RGPD2: variants seen among roughly 807,000 people sequenced by gnomAD.
RGPD2 encodes RANBP2-like and GRIP domain-containing protein 2.
A neutral mutation model predicts 36.0 loss-of-function variants in RGPD2; 2 were observed. That is an observed-to-expected ratio of 0.06 (90% CI 0.02 to 0.17). The LOEUF is 0.17. Among genes scored for constraint, RGPD2 ranks in the 10% least tolerant of loss-of-function variants. The pLI is 1.00. For missense variants in RGPD2, 40 were observed against 464.3 expected (o/e 0.09, Z 8.40); for synonymous variants, 19 against 163.8 (o/e 0.12, Z 6.75).
chr2:87,866,690 G>A, the RGPD2 span, among the ~76,000 whole-genome samples: 1 of 152,184 alleles, frequency 6.6e-6, no homozygotes, highest in Non-Finnish European at 1.5e-5. Context: ...GCGGATCCAC[G>A]GCACACACCT....
At chr2:87,860,764 G>A in the RGPD2 span, among the ~76,000 whole-genome samples, 11 of 152,278 alleles carry the variant, frequency 7.2e-5, no homozygotes, top group Admixed American at 2.6e-4. Flanking sequence ...AGACACATCC[G>A]TGCATGTCTG....
the RGPD2 span, among the ~76,000 whole-genome samples, chr2:87,839,474 T>C: frequency 6.6e-5 from 10 of 152,184 alleles, no homozygotes; most frequent in Admixed American, 5.9e-4. Flanking sequence ...TAAAGACACA[T>C]GCACTCATAT....
the RGPD2 span, among the ~76,000 whole-genome samples, chr2:87,985,301 A>G: frequency 9.0e-3 from 1,363 of 151,344 alleles, 15 homozygotes; most frequent in African/African-American, 0.032. Context: ...CCCAAGCAAT[A>G]TGTGTGTAAA....
At chr2:87,984,020 G>A in the RGPD2 span, among the ~76,000 whole-genome samples, 1 of 150,344 alleles carries the variant, frequency 6.7e-6, no homozygotes, top group African/African-American at 2.4e-5. Flanking sequence ...GCAACCTGAC[G>A]TTATCAAACA....
the RGPD2 span, among the ~76,000 whole-genome samples, chr2:87,877,501 C>A: frequency 6.6e-6 from 1 of 152,064 alleles, no homozygotes; most frequent in Non-Finnish European, 1.5e-5. Context: ...GTTGAAAATT[C>A]TTTTCTTTAA....
the RGPD2 span, among the ~76,000 whole-genome samples, chr2:87,986,314 T>C: frequency 6.7e-6 from 1 of 149,888 alleles, no homozygotes; most frequent in African/African-American, 2.5e-5. Context: ...TTTGTATTTT[T>C]AGTAGAGACC....
the RGPD2 span, among the ~76,000 whole-genome samples, chr2:87,842,111 T>C: frequency 6.6e-6 from 1 of 152,162 alleles, no homozygotes; most frequent in Non-Finnish European, 1.5e-5. Context: ...TCATACTGAA[T>C]GGGCCAAAAC....
At chr2:87,861,150 T>C in the RGPD2 span, among the ~76,000 whole-genome samples, 1 of 150,200 alleles carries the variant, frequency 6.7e-6, no homozygotes, top group African/African-American at 2.5e-5. Context: ...TTTTTTTTTT[T>C]CATCTTTTGA....
chr2:87,825,533 G>GCCCGGCC, intron 1 of RGPD2, 125 bp downstream of exon 1: 1 of 498,664 alleles, frequency 2.0e-6, no homozygotes, highest in Admixed American at 2.8e-4. Context: ...GGCCGAGGCC[G>GCCCGGCC]AGGCCGAGGC....
chr2:87,825,295 G>C (rs1009651574), intron 1 of RGPD2, among the ~76,000 whole-genome samples: 2 of 151,514 alleles, frequency 1.3e-5, no homozygotes, highest in Non-Finnish European at 2.9e-5. Context: ...CAACACTAAA[G>C]GGCGAACCTG....
At chr2:87,857,462 C>T in the RGPD2 span, among the ~76,000 whole-genome samples, 1 of 151,512 alleles carries the variant, frequency 6.6e-6, no homozygotes, top group Admixed American at 6.6e-5. Context: ...CCTGCCTCAG[C>T]CTCTTGAGTA....
At chr2:87,915,274 G>GTGTA in the RGPD2 span, among the ~76,000 whole-genome samples, 1 of 84,998 alleles carries the variant, frequency 1.2e-5, no homozygotes, top group African/African-American at 3.6e-5. Flanking sequence ...GTGTGTGTGT[G>GTGTA]TATATATATA....
chr2:87,897,292 C>T, the RGPD2 span, among the ~76,000 whole-genome samples: 1 of 148,064 alleles, frequency 6.8e-6, no homozygotes, highest in Non-Finnish European at 1.5e-5. Flanking sequence ...TTATAAATGA[C>T]ATTCAATGAC....
the RGPD2 span, among the ~76,000 whole-genome samples, chr2:87,839,971 A>G: frequency 6.6e-6 from 1 of 151,688 alleles, no homozygotes; most frequent in Non-Finnish European, 1.5e-5. Flanking sequence ...AAGCCAGAAA[A>G]TGGAAATAAC....
chr2:87,860,313 T>C, the RGPD2 span, among the ~76,000 whole-genome samples: 1 of 152,006 alleles, frequency 6.6e-6, no homozygotes, highest in Admixed American at 6.6e-5. Flanking sequence ...TGTATCCACA[T>C]GACAGAAAGG....
At chr2:87,930,882 C>T in the RGPD2 span, among the ~76,000 whole-genome samples, 1 of 141,972 alleles carries the variant, frequency 7.0e-6, no homozygotes. Flanking sequence ...ATAATATCCT[C>T]TGGTGGTTGT....
the RGPD2 span, among the ~76,000 whole-genome samples, chr2:87,940,276 A>G: frequency 6.6e-6 from 1 of 151,950 alleles, no homozygotes; most frequent in Non-Finnish European, 1.5e-5. Flanking sequence ...TGGAACAAGG[A>G]CTTGTGCTCC....
chr2:87,866,325 T>A, the RGPD2 span, among the ~76,000 whole-genome samples: 1 of 151,744 alleles, frequency 6.6e-6, no homozygotes, highest in Non-Finnish European at 1.5e-5. Context: ...CCATTATTCA[T>A]ATAATGGACA....
chr2:87,955,485 G>C, the RGPD2 span, among the ~76,000 whole-genome samples: 1 of 31,764 alleles, frequency 3.1e-5, no homozygotes, highest in African/African-American at 1.3e-4. Flanking sequence ...GTACGTAACT[G>C]ACTGCTTATC....
Sources: gnomAD v4.1 joint callset for allele counts (sites outside exome capture counted in the v4.1 genomes callset) on GRCh38, gnomAD v4.1.1 for gene constraint, MANE v1.5 for transcripts, NCBI Gene and HGNC (gene_info 2026-07-23, HGNC 2026-07-21) for gene names.